The following MDGA2 variants were observed in gnomAD, a reference collection of about 807,000 sequenced individuals.
MDGA2 encodes the protein MAM domain containing glycosylphosphatidylinositol anchor 2, also known as MAM domain-containing glycosylphosphatidylinositol anchor protein 2.
MDGA2 carries 40 observed loss-of-function variants against 117.8 expected under a neutral mutation model. The observed-to-expected ratio is 0.34, with a 90% CI of 0.26 to 0.44. The LOEUF is 0.44. Among genes scored for constraint, MDGA2 ranks in the 20% least tolerant of loss-of-function variants. The pLI is 1.00. For missense variants in MDGA2, 1,123 were observed against 1,250.6 expected (o/e 0.90, Z 1.54); for synonymous variants, 452 against 439.0 (o/e 1.03, Z -0.37).
intron 5 of MDGA2, among the ~76,000 whole-genome samples, chr14:47,097,958 C>T (rs1162306077): frequency 1.3e-5 from 2 of 151,850 alleles, no homozygotes; most frequent in Admixed American, 6.6e-5. Flanking sequence ...AGAAACTGTA[C>T]AAAAACTTTC....
At chr14:47,654,478 A>C (rs1897706011) in intron 1 of MDGA2, among the ~76,000 whole-genome samples, 1 of 152,118 alleles carries the variant, frequency 6.6e-6, no homozygotes, top group Non-Finnish European at 1.5e-5. Context: ...CAACTGGCTG[A>C]AGTGCTAACC....
intron 1 of MDGA2, among the ~76,000 whole-genome samples, chr14:47,319,689 C>T (rs554987708): frequency 1.3e-5 from 2 of 152,260 alleles, no homozygotes; most frequent in South Asian, 4.1e-4. Flanking sequence ...CTATGCTCTA[C>T]TACCTTGAAT....
intron 1 of MDGA2, among the ~76,000 whole-genome samples, chr14:47,358,248 G>T (rs1385245279): frequency 6.6e-6 from 1 of 152,130 alleles, no homozygotes; most frequent in Non-Finnish European, 1.5e-5. Flanking sequence ...ACCTCTGTAT[G>T]CAATGACTCA....
intron 9 of MDGA2, among the ~76,000 whole-genome samples, chr14:46,929,063 ACT>A (rs1223625703): frequency 1.3e-5 from 2 of 152,042 alleles, no homozygotes; most frequent in African/African-American, 2.4e-5. Context: ...TGATTGCTAA[ACT>A]CTGTTCTAAA....
chr14:47,674,457 C>T, intron 1 of MDGA2, 60 bp downstream of exon 1: 2 of 1,448,786 alleles, frequency 1.4e-6, no homozygotes, highest in Admixed American at 2.3e-5. Context: ...TGCATTTTCG[C>T]TCACCAGCCT....
intron 1 of MDGA2, among the ~76,000 whole-genome samples, chr14:47,314,926 A>G (rs1043641732): frequency 3.3e-5 from 5 of 152,150 alleles, no homozygotes; most frequent in Admixed American, 6.6e-5. Flanking sequence ...GTATGACCCC[A>G]TTAATGTACT....
chr14:46,886,115 C>T (rs181743906), intron 10 of MDGA2, among the ~76,000 whole-genome samples: 1 of 152,230 alleles, frequency 6.6e-6, no homozygotes, highest in African/African-American at 2.4e-5. Context: ...GTCTTTCAAA[C>T]ATGTGTCCTT....
intron 10 of MDGA2, among the ~76,000 whole-genome samples, chr14:46,886,524 G>A (rs1882683686): frequency 6.6e-6 from 1 of 152,150 alleles, no homozygotes; most frequent in East Asian, 1.9e-4. Flanking sequence ...GTTTAAATAG[G>A]TTAGGAGAGT....
chr14:47,379,090 C>A (rs987752758), intron 1 of MDGA2, among the ~76,000 whole-genome samples: 1 of 152,154 alleles, frequency 6.6e-6, no homozygotes, highest in Non-Finnish European at 1.5e-5. Flanking sequence ...GAATTTTCAA[C>A]CTAGAATTTC....
At chr14:47,613,458 ATCTCTC>A (rs746974129) in intron 1 of MDGA2, among the ~76,000 whole-genome samples, 252 of 146,526 alleles carry the variant, frequency 1.7e-3, no homozygotes, top group Middle Eastern at 0.01. Context: ...TACTTCATTT[ATCTCTC>A]TCTCTCTCTC....
chr14:47,059,936 C>T (rs1889820619), intron 7 of MDGA2, among the ~76,000 whole-genome samples: 1 of 152,028 alleles, frequency 6.6e-6, no homozygotes, highest in Admixed American at 6.6e-5. Context: ...ACAGTGTCAC[C>T]TAGCACACTG....
chr14:47,119,121 G>A (rs1218239582), intron 5 of MDGA2, among the ~76,000 whole-genome samples: 5 of 135,570 alleles, frequency 3.7e-5, no homozygotes, highest in Non-Finnish European at 6.1e-5. Context: ...CGCAGTTTCG[G>A]CTCACCGCAA....
intron 10 of MDGA2, among the ~76,000 whole-genome samples, chr14:46,895,506 A>G (rs893433568): frequency 6.6e-6 from 1 of 152,132 alleles, no homozygotes; most frequent in Non-Finnish European, 1.5e-5. Context: ...CGGGTGGATC[A>G]CCTGAGGTCA....
intron 2 of MDGA2, among the ~76,000 whole-genome samples, chr14:47,269,974 A>C (rs1050360233): frequency 1.3e-5 from 2 of 152,146 alleles, no homozygotes; most frequent in Non-Finnish European, 2.9e-5. Context: ...TGACTTGATT[A>C]CTAACTATTA....
Position 47,096,983 on chromosome 14 carries a change from T to A in MDGA2, c.1066A>T (p.Lys356Ter). The A allele has an allele frequency of 6.2e-7, 1 of 1,613,346 alleles. No individual in the cohort carries two copies. Among genetic ancestry groups the A allele is most frequent in the Non-Finnish European group, 8.5e-7 (1 of 1,179,510 alleles). ...WVRSFGTLPE[K>*]TVLNGGTLTI... ...AAAGTTCCTCCATTCAAAACAGTCT[T>A]TTCAGGCAGAGTCCCAAAGGACCTG... Residue 356 changes from lysine (K) to a stop codon, truncating the protein, a stop_gained, in exon 6 of 17, where the codon AAG becomes TAG. Transcript: ENST00000399232. LOFTEE classifies it high-confidence loss of function.
chr14:47,385,678 T>TCA (rs1215756880), intron 1 of MDGA2, among the ~76,000 whole-genome samples: 1 of 152,166 alleles, frequency 6.6e-6, no homozygotes, highest in Non-Finnish European at 1.5e-5. Context: ...AGCAATGCTG[T>TCA]CACTGTTTCT....
rs976578933 is a variant in MDGA2 at position 47,286,606 on chromosome 14, C to T, written c.420+14805G>A. On this transcript the variant is annotated intron_variant, in intron 2 of 16. Coordinates refer to ENST00000399232, the MANE Select transcript of MDGA2 (RefSeq NM_001113498.3). The stretch of plus-strand genomic sequence containing the variant: ...AATAACATTCCATTGTGTGTTTATA[C>T]ACTACATGTCCATTATCCATTCATC... 5.3e-5 allele frequency among the ~76,000 whole-genome samples: 8 copies of T among 151,938 alleles called. 1 individual carries two copies. The South Asian group carries it at 1.7e-3, about 32-fold the overall frequency.
chr14:47,518,408 GATAA>G (rs1307053096), intron 1 of MDGA2, among the ~76,000 whole-genome samples: 4 of 152,090 alleles, frequency 2.6e-5, no homozygotes, highest in Non-Finnish European at 5.9e-5. Context: ...TATGTGTGTT[GATAA>G]ATATATAAAA....
chr14:47,051,669 C>T (rs532508456), intron 7 of MDGA2, among the ~76,000 whole-genome samples: 1 of 151,864 alleles, frequency 6.6e-6, no homozygotes, highest in Non-Finnish European at 1.5e-5. Flanking sequence ...CTTAAACACA[C>T]CACATACAAA....
Sources: allele counts gnomAD v4.1 joint callset (sites outside exome capture counted in the v4.1 genomes callset), GRCh38; gene constraint gnomAD v4.1.1; transcripts MANE v1.5; gene names NCBI Gene and HGNC (gene_info 2026-07-23, HGNC 2026-07-21).